The following TARS3 variants were observed in gnomAD, a reference collection of about 807,000 sequenced individuals.
TARS3 encodes threonine--tRNA ligase 2, cytoplasmic.
In TARS3, 94 loss-of-function variants were observed where a neutral mutation model predicts 103.5. That is an observed-to-expected ratio of 0.91 (90% CI 0.77 to 1.08). TARS3 has a LOEUF of 1.08. Among genes scored for constraint, TARS3 ranks in the 50% least tolerant of loss-of-function variants. TARS3 has a pLI of 0.00. For missense variants in TARS3, 952 were observed against 995.2 expected (o/e 0.96, Z 0.58); for synonymous variants, 416 against 355.4 (o/e 1.17, Z -1.92).
intron 10 of TARS3, among the ~76,000 whole-genome samples, chr15:101,693,731 C>T (rs1007549046): frequency 4.6e-5 from 7 of 152,136 alleles, no homozygotes; most frequent in Non-Finnish European, 7.3e-5. Context: ...AAAGCAGAGG[C>T]CCGCTGGGGA....
At chr15:101,717,962 T>C (rs1256880941) in intron 3 of TARS3, among the ~76,000 whole-genome samples, 1 of 152,172 alleles carries the variant, frequency 6.6e-6, no homozygotes, top group Non-Finnish European at 1.5e-5. Context: ...GGAAACAGAT[T>C]CTAACATATG....
chr15:101,684,671 C>G (rs1259681854), intron 11 of TARS3, among the ~76,000 whole-genome samples: 1 of 152,190 alleles, frequency 6.6e-6, no homozygotes, highest in South Asian at 2.1e-4. Flanking sequence ...CCTGCCCACT[C>G]TGCTCATGAG....
intron 10 of TARS3, among the ~76,000 whole-genome samples, chr15:101,698,383 A>T (rs1398258901): frequency 1.3e-5 from 2 of 151,966 alleles, no homozygotes; most frequent in East Asian, 1.9e-4. Context: ...TTTTTTTTAA[A>T]AAAGAAAGCT....
intron 12 of TARS3, among the ~76,000 whole-genome samples, chr15:101,680,466 C>G (rs997858809): frequency 6.6e-6 from 1 of 152,188 alleles, no homozygotes; most frequent in Admixed American, 6.5e-5. Context: ...AACTCACTAC[C>G]ATGTTGTTTC....
In TARS3 at chr15:101,721,167, T is replaced by C; in HGVS notation, c.525A>G (p.Glu175=). 6.2e-7 allele frequency: 1 copy of C among 1,604,788 alleles called. No individual in the cohort carries two copies. Among genetic ancestry groups the C allele is most frequent in the Non-Finnish European group, 8.5e-7 (1 of 1,172,514 alleles). The change falls in exon 3 of 19, where the codon GAA becomes GAG. Residue 175 remains glutamate, a synonymous_variant. Transcript: ENST00000335968. The part of the protein sequence containing the change: ...RVADGQTVQG[E]VWKTTPYQVA... ...CTTGGTAAGGCGTTGTTTTCCAGAC[T>C]TCCCCTTGCACTGTTTGCCCATCAG...
At chr15:101,665,849 A>G (rs1412004207) in intron 15 of TARS3, among the ~76,000 whole-genome samples, 1 of 152,236 alleles carries the variant, frequency 6.6e-6, no homozygotes, top group East Asian at 1.9e-4. Context: ...CTCAGGTCAT[A>G]TTTTGTATTA....
At chr15:101,678,224 T>TG (rs1053506544) in intron 12 of TARS3, among the ~76,000 whole-genome samples, 2 of 150,494 alleles carry the variant, frequency 1.3e-5, no homozygotes, top group African/African-American at 4.9e-5. Context: ...ATGATCTGCC[T>TG]GCCTCAGCCT....
chr15:101,716,439 G>A (rs917529222), intron 3 of TARS3, among the ~76,000 whole-genome samples: 1 of 150,720 alleles, frequency 6.6e-6, no homozygotes, highest in Non-Finnish European at 1.5e-5. Context: ...TAATATATAG[G>A]AATAAAAAAT....
intron 16 of TARS3, among the ~76,000 whole-genome samples, chr15:101,659,014 ACTC>A (rs1897282102): frequency 6.6e-6 from 1 of 151,370 alleles, no homozygotes; most frequent in African/African-American, 2.4e-5. Context: ...CTGGTCTTGA[ACTC>A]CTGACCTCAG....
At chr15:101,684,711 C>T (rs1322143978) in intron 11 of TARS3, among the ~76,000 whole-genome samples, 1 of 152,178 alleles carries the variant, frequency 6.6e-6, no homozygotes, top group South Asian at 2.1e-4. Context: ...GTGTCTTAAT[C>T]ACCTCTGCAC....
rs189895116 is a variant in TARS3, at chr15:101,713,126, C to T, written c.691-1125G>A. Among the ~76,000 whole-genome samples the T allele has an allele frequency of 1.1e-3, 175 of 152,200 alleles. 1 individual carries two copies. Among genetic ancestry groups the T allele is most frequent in the East Asian group, 2.1e-3 (11 of 5,178 alleles). ...CCCCCACACAGGTACAGCCTATTGGCGAAGACACAGGCAATAAACAAACCT... is the reference window on the plus strand; with the variant it reads ...CCCCCACACAGGTACAGCCTATTGGTGAAGACACAGGCAATAAACAAACCT... On this transcript the variant is annotated intron_variant, in intron 4 of 18. Coordinates refer to ENST00000335968, the MANE Select transcript of TARS3 (RefSeq NM_152334.3).
chr15:101,660,193 T>TAGC (rs1263759465), intron 16 of TARS3, among the ~76,000 whole-genome samples: 1 of 152,196 alleles, frequency 6.6e-6, no homozygotes, highest in Non-Finnish European at 1.5e-5. Context: ...CCGGCAATAG[T>TAGC]AGCAGTGGGG....
intron 15 of TARS3, among the ~76,000 whole-genome samples, chr15:101,667,535 G>T (rs1897627839): frequency 6.6e-6 from 1 of 151,538 alleles, no homozygotes. Context: ...TTGTACGTCA[G>T]CACTTGTTGC....
intron 10 of TARS3, among the ~76,000 whole-genome samples, chr15:101,689,181 T>G (rs190356349): frequency 2.0e-5 from 3 of 152,230 alleles, no homozygotes; most frequent in Non-Finnish European, 4.4e-5. Flanking sequence ...TTGATCGCAA[T>G]TACTGGGAGA....
At chr15:101,677,631 T>C (rs144821804) in intron 12 of TARS3, among the ~76,000 whole-genome samples, 1 of 152,290 alleles carries the variant, frequency 6.6e-6, no homozygotes. Context: ...CCTGAGTAGC[T>C]GGGATTACAG....
rs778741675 is a variant in TARS3, at chr15:101,708,922, A to G, written c.813-12T>C. 4 of 1,514,948 alleles carry G rather than the reference A, an allele frequency of 2.6e-6. No individual in the cohort carries two copies. The highest frequency in any genetic ancestry group is 3.6e-6 in the Non-Finnish European group (4 of 1,119,486). 93.8% of individuals were successfully genotyped at this position (1,514,948 alleles called of 1,614,324 possible). ...TGCTGGACACTGCTCTAAAAAGAAG[A>G]GCAGAGAACCGACATCCATCTTCCA... is the stretch of plus-strand genomic sequence containing the variant. On this transcript the variant is annotated splice_polypyrimidine_tract_variant and intron_variant, in intron 5 of 18. Transcript: ENST00000335968.
At chr15:101,716,225 C>T (rs1900152677) in intron 3 of TARS3, among the ~76,000 whole-genome samples, 1 of 152,058 alleles carries the variant, frequency 6.6e-6, no homozygotes, top group Non-Finnish European at 1.5e-5. Context: ...CCATATTGGC[C>T]AGGATGGTCT....
chr15:101,711,168 C>T lies in TARS3; in HGVS notation c.812+712G>A, dbSNP rs142596139. Among the ~76,000 whole-genome samples the T allele has an allele frequency of 1.2e-4, 19 of 152,236 alleles. No homozygotes were observed. The East Asian group carries it at 3.5e-3, about 28-fold the overall frequency. On this transcript the variant is annotated intron_variant, in intron 5 of 18. Transcript: ENST00000335968. Reference sequence around the variant, plus strand: ...TAGGAATTAAGCTTTCAATTCTGGTCTTAATTAATACCATGCTCTAGCAAG... The same window carrying T: ...TAGGAATTAAGCTTTCAATTCTGGTTTTAATTAATACCATGCTCTAGCAAG...
At chr15:101,661,033 C>T (rs1489686614) in intron 16 of TARS3, among the ~76,000 whole-genome samples, 1 of 152,054 alleles carries the variant, frequency 6.6e-6, no homozygotes, top group Non-Finnish European at 1.5e-5. Context: ...AAAGCAGTAA[C>T]TAGAGCCTGT....
Sources: allele counts gnomAD v4.1 joint callset (sites outside exome capture counted in the v4.1 genomes callset), GRCh38; gene constraint gnomAD v4.1.1; transcripts MANE v1.5; gene names NCBI Gene and HGNC (gene_info 2026-07-23, HGNC 2026-07-21).